VCAM1: variants seen among roughly 807,000 people sequenced by gnomAD.
VCAM1 encodes the protein vascular cell adhesion molecule 1.
Under a neutral mutation model 63.8 loss-of-function variants are expected in VCAM1, and 41 were observed. The ratio of observed to expected loss-of-function variants is 0.64; its 90% CI spans 0.50 to 0.83. VCAM1 has a LOEUF of 0.83. Among genes scored for constraint, VCAM1 ranks in the 40% least tolerant of loss-of-function variants. The pLI is 0.00. For missense variants in VCAM1, 798 were observed against 875.5 expected, an observed-to-expected ratio of 0.91 and a Z score of 1.12; for synonymous variants, 338 against 320.7, an observed-to-expected ratio of 1.05 and a Z score of -0.58.
intron 7 of VCAM1, 60 bp downstream of exon 7, chr1:100,732,744 A>C: frequency 6.8e-7 from 1 of 1,480,942 alleles, no homozygotes; most frequent in Non-Finnish European, 8.9e-7. Flanking sequence ...TATGTTACTG[A>C]TTATGAGTAA....
At position 100,720,477 on chromosome 1, in the gene VCAM1, T is replaced by C; in HGVS notation, c.66T>C (p.Ser22=). Residue 22 remains serine, a splice_region_variant and synonymous_variant, in exon 2 of 9, where the codon TCT becomes TCC. Coordinates refer to ENST00000294728, the MANE Select transcript of VCAM1 (RefSeq NM_001078.4). ...TTCTGTCTTTTTTTGCTTTTGCAGC[T>C]CAAGCTTTTAAAATCGAGACCACCC... ...SNILWIMFAA[S]QAFKIETTPE... 6.2e-7 allele frequency: 1 copy of C among 1,604,484 alleles called. No individual in the cohort carries two copies. The highest frequency in any genetic ancestry group is 8.5e-7 in the Non-Finnish European group (1 of 1,173,584).
Position 100,724,623 on chromosome 1 carries a change from G to C in VCAM1, c.662-1G>C. 1 of 1,609,384 alleles carries C rather than the reference G, an allele frequency of 6.2e-7. No homozygotes were observed. Among genetic ancestry groups the C allele is most frequent in the Non-Finnish European group, 8.5e-7 (1 of 1,177,134 alleles). ...GCTAATATTATTTTTTGCCCTTTCA[G>C]TATCACCCAAGAATACAGTTATTTC... On this transcript the variant is annotated splice_acceptor_variant, in intron 3 of 8. Coordinates refer to ENST00000294728, the MANE Select transcript of VCAM1 (RefSeq NM_001078.4). LOFTEE classifies it high-confidence loss of function.
intron 4 of VCAM1, 118 bp from the exon 5 acceptor site, chr1:100,728,989 C>T: frequency 8.2e-7 from 1 of 1,222,486 alleles, no homozygotes; most frequent in South Asian, 2.6e-5. Flanking sequence ...GTAATTTCTT[C>T]TTGGCATGGA....
intron 8 of VCAM1, chr1:100,735,724 A>C (rs934872672): frequency 6.6e-6 from 1 of 152,230 alleles, no homozygotes. Flanking sequence ...TCCTCAAAAC[A>C]TGAGAATAGC....
chr1:100,733,873 A>C (rs962408127), intron 7 of VCAM1, among the ~76,000 whole-genome samples: 2 of 152,350 alleles, frequency 1.3e-5, no homozygotes, highest in African/African-American at 4.8e-5. Context: ...TGAATTCTAT[A>C]GCTCTTTATC....
chr1:100,720,002 A>G, intron 1 of VCAM1, 78 bp downstream of exon 1: 1 of 1,494,882 alleles, frequency 6.7e-7, no homozygotes, highest in Non-Finnish European at 9.3e-7. Context: ...CAGTTTTGCG[A>G]TAGTAGTGAA....
chr1:100,732,230 T>C (rs1166146466), intron 6 of VCAM1, among the ~76,000 whole-genome samples, 188 bp from the exon 7 acceptor site: 1 of 152,178 alleles, frequency 6.6e-6, no homozygotes, highest in East Asian at 1.9e-4. Context: ...CCATGACGTG[T>C]CCATGTTCTA....
chr1:100,724,986 TTCACTGATGACCTA>T (rs1215972204), intron 4 of VCAM1, 96 bp downstream of exon 4: 1 of 1,464,426 alleles, frequency 6.8e-7, no homozygotes, highest in African/African-American at 1.4e-5. Context: ...TTCCCTTAGT[TTCACTGATGACCTA>T]TCTGATTGCC....
chr1:100,735,254 C>A lies in VCAM1; in HGVS notation c.2059+486C>A, dbSNP rs563779339. On this transcript the variant is annotated intron_variant, in intron 8 of 8. Coordinates refer to ENST00000294728, the MANE Select transcript of VCAM1 (RefSeq NM_001078.4). ...TTGATCCTGAACAACATAAAAAAAT[C>A]TCTCGACTATCGAAAAGCCTCATTA... is the stretch of plus-strand genomic sequence containing the variant. 36 of 154,108 alleles carry A rather than the reference C, an allele frequency of 2.3e-4. No homozygotes were observed. The South Asian group carries it at 3.6e-3, about 16-fold the overall frequency. 9.5% of individuals were successfully genotyped at this position (154,108 alleles called of 1,614,324 possible).
chr1:100,725,601 C>T (rs976847824), intron 4 of VCAM1, among the ~76,000 whole-genome samples: 19 of 151,996 alleles, frequency 1.3e-4, no homozygotes, highest in African/African-American at 4.6e-4. Flanking sequence ...TATTTTATCT[C>T]ATTAATCTTT....
rs3917031 is a variant in VCAM1, at chr1:100,720,882, C to T, written c.340+131C>T. The T allele has an allele frequency of 5.0e-4, 571 of 1,153,046 alleles. No homozygotes were observed. The African/African-American group carries it at 8.0e-3, about 16-fold the overall frequency. 71.4% of individuals were successfully genotyped at this position (1,153,046 alleles called of 1,614,324 possible). A position where few individuals can be genotyped will look rare whatever the true frequency, so the allele number is the denominator to read the frequency against. ...TTCTTGGCTAAAGAACATACAACAT[C>T]AGGAAAGCTAGGGACAGCTAAGGCC... is the stretch of plus-strand genomic sequence containing the variant. On this transcript the variant is annotated intron_variant, in intron 2 of 8. Transcript: ENST00000294728.
intron 2 of VCAM1, among the ~76,000 whole-genome samples, chr1:100,722,181 A>G (rs1659978504): frequency 6.6e-6 from 1 of 152,092 alleles, no homozygotes; most frequent in Non-Finnish European, 1.5e-5. Context: ...ATGCATAATG[A>G]AAAAGGTAAC....
In VCAM1 at chr1:100,724,636, A is replaced by T. The variant is rs761877168; in HGVS notation, c.674A>T (p.Asn225Ile). The change falls in exon 4 of 9, where the codon AAT becomes ATT. Residue 225 changes from asparagine to isoleucine, a missense_variant. Asn to Ile is a moderately radical substitution (Grantham distance 149). Transcript: ENST00000294728. ...TTTGCCCTTTCAGTATCACCCAAGA[A>T]TACAGTTATTTCTGTGAATCCATCC... Reference protein sequence around the residue: ...KELQVYISPKNTVISVNPSTK... With the variant: ...KELQVYISPKITVISVNPSTK... 1 of 1,612,636 alleles carries T rather than the reference A, an allele frequency of 6.2e-7. No individual in the cohort carries two copies. Among genetic ancestry groups the T allele is most frequent in the Admixed American group, 1.7e-5 (1 of 59,852 alleles).
At chr1:100,730,263 T>A (rs1425993015) in intron 5 of VCAM1, among the ~76,000 whole-genome samples, 1 of 152,070 alleles carries the variant, frequency 6.6e-6, no homozygotes, top group Non-Finnish European at 1.5e-5. Flanking sequence ...GAAAGATAAA[T>A]TTTATTTGCA....
intron 2 of VCAM1, 96 bp from the exon 3 acceptor site, chr1:100,722,924 A>G (rs757832808): frequency 1.8e-5 from 24 of 1,371,390 alleles, no homozygotes; most frequent in Non-Finnish European, 2.3e-5. Context: ...TGTATTAACA[A>G]AAACGCTAGA....
rs147753008 is a variant in VCAM1 at position 100,731,499 on chromosome 1, G to T, written c.1506G>T (p.Thr502=). The change falls in exon 6 of 9, where the codon ACG becomes ACT. Residue 502 remains threonine (T), a synonymous_variant. Coordinates refer to ENST00000294728, the MANE Select transcript of VCAM1 (RefSeq NM_001078.4). This position sits in a 1 kb window ranked among gnomAD's most constrained non-coding sequence, Gnocchi z 4.2. ...TCGAACCCAAACAAAGGCAGAGTACGCAAACACTTTATGTCAATGGTAAGT... is the reference window on the plus strand; with the variant it reads ...TCGAACCCAAACAAAGGCAGAGTACTCAAACACTTTATGTCAATGGTAAGT... ...MEFEPKQRQS[T]QTLYVNVAPR... 1.9e-6 allele frequency: 3 copies of T among 1,612,740 alleles called. No homozygotes were observed. The highest frequency in any genetic ancestry group is 2.7e-5 in the African/African-American group (2 of 74,750).
chr1:100,738,275 A>ATT lies in VCAM1; in HGVS notation c.2212_2213insTT (p.Lys738IlefsTer5). On this transcript the variant is annotated frameshift_variant, in exon 9 of 9. Transcript: ENST00000294728. LOFTEE classifies it high-confidence loss of function. The stretch of plus-strand genomic sequence containing the variant: ...TAGTCTTGTAGAAGCACAGAAGTCA[A>ATT]AAGTGTAGCTAATGCTTGATATGTT... 1 of 1,613,072 alleles carries ATT rather than the reference A, an allele frequency of 6.2e-7. No individual in the cohort carries two copies. The highest frequency in any genetic ancestry group is 8.5e-7 in the Non-Finnish European group (1 of 1,179,394).
intron 7 of VCAM1, 21 bp from the exon 8 acceptor site, chr1:100,734,481 T>A (rs778784806): frequency 6.3e-7 from 1 of 1,595,960 alleles, no homozygotes; most frequent in Admixed American, 1.8e-5. Flanking sequence ...ATCAGGGATG[T>A]CTTTTAAATT....
At chr1:100,729,461 C>T in intron 5 of VCAM1, 79 bp downstream of exon 5, 1 of 1,448,464 alleles carries the variant, frequency 6.9e-7, no homozygotes, top group South Asian at 1.5e-5. Flanking sequence ...CTGTGAAGTG[C>T]AATGAAATCC....
Sources: allele counts gnomAD v4.1 joint callset (sites outside exome capture counted in the v4.1 genomes callset), GRCh38; gene constraint gnomAD v4.1.1; non-coding constraint Gnocchi (gnomAD v3.1); transcripts MANE v1.5; gene names NCBI Gene and HGNC (gene_info 2026-07-23, HGNC 2026-07-21).